Variants in LRRC42 observed in about 807,000 individuals in gnomAD.
The protein encoded by LRRC42 is leucine-rich repeat-containing protein 42.
Under a neutral mutation model 44.3 loss-of-function variants are expected in LRRC42, and 43 were observed. The observed-to-expected ratio is 0.97, with a 90% confidence interval of 0.76 to 1.25. LRRC42 has a LOEUF of 1.25. LRRC42 is among the 50% of genes most tolerant of loss of function. The pLI is 0.00. For missense variants in LRRC42, 540 were observed against 509.1 expected, an observed-to-expected ratio of 1.06 and a Z score of -0.58; for synonymous variants, 207 against 195.2, an observed-to-expected ratio of 1.06 and a Z score of -0.50.
rs186028321 is a variant in LRRC42 at position 53,951,676 on chromosome 1, C to T, written c.-14-310C>T. ...CTGACCTCAGGTGATCCGCCCGCCT[C>T]GGCCTCCCAAAGTGCTGAGATTACA... On this transcript the variant is annotated intron_variant, in intron 2 of 8. Transcript: ENST00000371370. 9.4e-3 allele frequency among the ~76,000 whole-genome samples: 1,431 copies of T among 152,264 alleles called. 29 individuals are homozygous for T. Among genetic ancestry groups the T allele is most frequent in the African/African-American group, 0.033 (1,354 of 41,532 alleles).
At chr1:53,951,892 G>C in intron 2 of LRRC42, 94 bp from the exon 3 acceptor site, 2 of 1,018,246 alleles carry the variant, frequency 2.0e-6, no homozygotes, top group South Asian at 1.7e-5. Context: ...GGCCTGCCTG[G>C]TAGGCTCATA....
At chr1:53,955,045 T>C (rs938786788) in intron 3 of LRRC42, among the ~76,000 whole-genome samples, 1 of 152,224 alleles carries the variant, frequency 6.6e-6, no homozygotes, top group Non-Finnish European at 1.5e-5. Context: ...CAAATTATAG[T>C]ATATTTATAT....
chr1:53,962,316 C>A lies in LRRC42; in HGVS notation c.834C>A (p.His278Gln). The change falls in exon 7 of 9, where the codon CAC (histidine) becomes CAA (glutamine). Residue 278 changes from histidine (H) to glutamine (Q), a missense_variant. Transcript: ENST00000371370. ...TGLKDIKTVK[H>Q]KLQTHIGLVH... ...ACTAGGACATCAAAACCGTCAAGCA[C>A]AAGCTCCAGACCCACATAGGCCTTG... 6.2e-7 allele frequency: 1 copy of A among 1,613,964 alleles called. No individual in the cohort carries two copies. The highest frequency in any genetic ancestry group is 1.1e-5 in the South Asian group (1 of 91,084).
intron 3 of LRRC42, 36 bp downstream of exon 3, chr1:53,952,508 G>A (rs1276083391): frequency 3.9e-6 from 6 of 1,530,112 alleles, no homozygotes; most frequent in Non-Finnish European, 4.4e-6. Context: ...GTATTTTATT[G>A]GGTGTGTTAA....
intron 8 of LRRC42, among the ~76,000 whole-genome samples, chr1:53,967,419 C>G (rs990739653): frequency 1.8e-4 from 27 of 152,272 alleles, no homozygotes; most frequent in East Asian, 1.4e-3. Context: ...AAGTCACTTA[C>G]CCACGGTCAC....
At chr1:53,960,104 G>A (rs1654954041) in intron 4 of LRRC42, among the ~76,000 whole-genome samples, 1 of 151,870 alleles carries the variant, frequency 6.6e-6, no homozygotes, top group African/African-American at 2.4e-5. Flanking sequence ...AAAATTTCTT[G>A]CAGGGATGGG....
At chr1:53,954,559 G>A (rs1174665539) in intron 3 of LRRC42, among the ~76,000 whole-genome samples, 2 of 152,094 alleles carry the variant, frequency 1.3e-5, no homozygotes, top group African/African-American at 2.4e-5. Context: ...TAAAATTGTA[G>A]TATTAAAAAA....
chr1:53,967,822 G>A lies in LRRC42; in HGVS notation c.1170G>A (p.Lys390=). 1.2e-6 allele frequency: 2 copies of A among 1,614,186 alleles called. No homozygotes were observed. Among genetic ancestry groups the A allele is most frequent in the Non-Finnish European group, 1.7e-6 (2 of 1,180,034 alleles). The change falls in exon 9 of 9, where the codon AAG becomes AAA. Residue 390 remains lysine (K), a synonymous_variant. Coordinates refer to ENST00000371370, the MANE Select transcript of LRRC42 (RefSeq NM_001256409.2). ...CTATCTCAAGCCAGGAGTCAAAGAA[G>A]AGCAAGAAGAGACCTTTTGAGGAGT... ...HEAISSQESK[K]SKKRPFEESE...
chr1:53,965,008 G>GTTTT (rs548333281), intron 7 of LRRC42, among the ~76,000 whole-genome samples: 1 of 112,820 alleles, frequency 8.9e-6, no homozygotes, highest in East Asian at 2.1e-4. Flanking sequence ...GTTTTTTTTT[G>GTTTT]TTTTTTTTTT....
rs564189828 is a variant in LRRC42, at chr1:53,958,191, C to A, written c.516C>A (p.Phe172Leu). The A allele has an allele frequency of 5.0e-6, 8 of 1,613,900 alleles. No homozygotes were observed. Among genetic ancestry groups the A allele is most frequent in the Non-Finnish European group, 6.8e-6 (8 of 1,179,858 alleles). ...AAAAGCTTGAGGAGATTAAGTCTTT[C>A]CGGGAGCTGACCTGCCTGGATCTTT... is the stretch of plus-strand genomic sequence containing the variant. ...ISEKLEEIKS[F>L]RELTCLDLSC... Residue 172 changes from phenylalanine to leucine, a missense_variant, in exon 4 of 9, where the codon TTC becomes TTA. Transcript: ENST00000371370.
chr1:53,963,284 TATC>T (rs935992149), intron 7 of LRRC42, among the ~76,000 whole-genome samples: 1 of 152,182 alleles, frequency 6.6e-6, no homozygotes, highest in African/African-American at 2.4e-5. Context: ...ATGAAATAAT[TATC>T]ATGGTGCATT....
At chr1:53,963,645 G>T (rs1655051670) in intron 7 of LRRC42, among the ~76,000 whole-genome samples, 1 of 152,304 alleles carries the variant, frequency 6.6e-6, no homozygotes, top group South Asian at 2.1e-4. Context: ...CCTCAGCTGG[G>T]CCCCTAGGGC....
rs1321673527 is a variant in LRRC42, at chr1:53,966,342, G to A, written c.974G>A (p.Arg325Gln). 4.3e-6 allele frequency: 7 copies of A among 1,613,836 alleles called. No individual in the cohort carries two copies. The highest frequency in any genetic ancestry group is 4.0e-5 in the African/African-American group (3 of 74,908). Residue 325 changes from arginine (R) to glutamine (Q), a missense_variant, in exon 8 of 9, where the codon CGG becomes CAG. Coordinates refer to ENST00000371370, the MANE Select transcript of LRRC42 (RefSeq NM_001256409.2). ...GTGACTGCGGAAGCTGTGAAGCCAC[G>A]GGAGACCTCGGAGCCTAGAGCAGCA... Reference protein sequence around the residue: ...ERVTAEAVKPRETSEPRAAAQ... With the variant: ...ERVTAEAVKPQETSEPRAAAQ...
At chr1:53,955,698 A>C (rs1284480687) in intron 3 of LRRC42, among the ~76,000 whole-genome samples, 1 of 138,256 alleles carries the variant, frequency 7.2e-6, no homozygotes, top group Non-Finnish European at 1.5e-5. Context: ...GCTCGATCTC[A>C]GCTCACTGCA....
rs1457086231 is a variant in LRRC42 at position 53,947,826 on chromosome 1, G to A, written c.-15+5G>A. 6.6e-6 allele frequency: 1 copy of A among 152,142 alleles called. No homozygotes were observed. Among genetic ancestry groups the A allele is most frequent in the Admixed American group, 6.5e-5 (1 of 15,272 alleles). 9.4% of individuals were successfully genotyped at this position (152,142 alleles called of 1,614,324 possible). A position where few individuals can be genotyped will look rare whatever the true frequency, so the allele number is the denominator to read the frequency against. On this transcript the variant is annotated splice_donor_5th_base_variant and intron_variant, in intron 2 of 8. Coordinates refer to ENST00000371370, the MANE Select transcript of LRRC42 (RefSeq NM_001256409.2). ...AATACTAGAGGGATCGAACAGGTGG[G>A]TGAGATTAATTTTTCACATTTTTTT...
chr1:53,967,861 GAAT>G lies in LRRC42; in HGVS notation c.1212_1214del (p.Asn405del). Reference sequence around the variant, plus strand: ...CTTTTGAGGAGTCAGAGACAGAACAGAATAACTCTTCACAACCTTCAAAGCAGA... The same window carrying G: ...CTTTTGAGGAGTCAGAGACAGAACAGAACTCTTCACAACCTTCAAAGCAGA... On this transcript the variant is annotated inframe_deletion, in exon 9 of 9. Coordinates refer to ENST00000371370, the MANE Select transcript of LRRC42 (RefSeq NM_001256409.2). 6.2e-7 allele frequency: 1 copy of G among 1,614,214 alleles called. No homozygotes were observed. The highest frequency in any genetic ancestry group is 8.5e-7 in the Non-Finnish European group (1 of 1,180,042).
At chr1:53,960,083 G>A (rs1054931177) in intron 4 of LRRC42, among the ~76,000 whole-genome samples, 1 of 152,118 alleles carries the variant, frequency 6.6e-6, no homozygotes, top group African/African-American at 2.4e-5. Flanking sequence ...ACCTTGGCTA[G>A]CTAATTTTTT....
Position 53,952,309 on chromosome 1 carries a change from A to T in LRRC42, c.310A>T (p.Ile104Phe), listed in dbSNP as rs202155653. 2 of 1,614,078 alleles carry T rather than the reference A, an allele frequency of 1.2e-6. No individual in the cohort carries two copies. The highest frequency in any genetic ancestry group is 1.6e-4 in the Middle Eastern group (1 of 6,084). Residue 104 changes from isoleucine to phenylalanine, a missense_variant, in exon 3 of 9, where the codon ATT becomes TTT. By Grantham distance (21) the Ile-to-Phe change is conservative. Coordinates refer to ENST00000371370, the MANE Select transcript of LRRC42 (RefSeq NM_001256409.2). ...TTTCATCTCCGACAATGTGGATCAC[A>T]TTGATTCCCTTATTGGCTTTCCTGA... ...LGFISDNVDH[I>F]DSLIGFPEQI...
intron 7 of LRRC42, among the ~76,000 whole-genome samples, chr1:53,964,892 C>A (rs1040591306): frequency 6.6e-6 from 1 of 152,004 alleles, no homozygotes; most frequent in Admixed American, 6.6e-5. Context: ...CACCATGTTG[C>A]CCAGGCTGGT....
Sources: allele counts gnomAD v4.1 joint callset (sites outside exome capture counted in the v4.1 genomes callset), GRCh38; gene constraint gnomAD v4.1.1; transcripts MANE v1.5; gene names NCBI Gene and HGNC (gene_info 2026-07-23, HGNC 2026-07-21).